Variants in CFAP221 observed in about 807,000 individuals in gnomAD.
The protein encoded by CFAP221 is cilia and flagella associated protein 221.
CFAP221 carries 97 observed loss-of-function variants against 113.1 expected under a neutral mutation model. The observed-to-expected ratio is 0.86, with a 90% confidence interval of 0.73 to 1.02. The LOEUF is 1.02. CFAP221 is among the 50% of genes least tolerant of loss of function. The probability of loss-of-function intolerance (pLI) is 0.00; values close to 1 mark genes in which losing one functional copy is unlikely to be tolerated. For synonymous variants in CFAP221, 331 were observed against 354.4 expected, an observed-to-expected ratio of 0.93 and a Z score of 0.74; for missense variants, 1,025 against 1,013.4, an observed-to-expected ratio of 1.01 and a Z score of -0.16.
intron 22 of CFAP221, among the ~76,000 whole-genome samples, chr2:119,649,947 A>G (rs1688029502): frequency 6.6e-6 from 1 of 152,144 alleles, no homozygotes; most frequent in South Asian, 2.1e-4. Flanking sequence ...ACACATAAAA[A>G]CTTTTGCATT....
At chr2:119,602,892 C>A in intron 8 of CFAP221, 1 of 505,210 alleles carries the variant, frequency 2.0e-6, no homozygotes, top group Non-Finnish European at 2.6e-6. Context: ...TGCACGACAG[C>A]ATTGTATGAC....
At chr2:119,562,740 G>C (rs546761909) in intron 6 of CFAP221, among the ~76,000 whole-genome samples, 1 of 152,284 alleles carries the variant, frequency 6.6e-6, no homozygotes, top group East Asian at 1.9e-4. Context: ...CTAAAAGTCT[G>C]TCCCTAGATG....
chr2:119,558,162 C>T (rs1456305963), intron 3 of CFAP221, among the ~76,000 whole-genome samples: 3 of 152,162 alleles, frequency 2.0e-5, no homozygotes, highest in East Asian at 3.9e-4. Context: ...GACTTCACAG[C>T]CCTCCCCCAA....
At position 119,611,640 on chromosome 2, in the gene CFAP221, A is replaced by G; in HGVS notation, c.1222-13A>G. On this transcript the variant is annotated splice_polypyrimidine_tract_variant and intron_variant, in intron 12 of 23. Coordinates refer to ENST00000413369, the MANE Select transcript of CFAP221 (RefSeq NM_001271049.2). ...ATATTCAACTTAAATTATTTTGATGATTAAAAACCCAGCTAGACAGAGGAG... is the reference window on the plus strand; with the variant it reads ...ATATTCAACTTAAATTATTTTGATGGTTAAAAACCCAGCTAGACAGAGGAG... 1 of 1,595,256 alleles carries G rather than the reference A, an allele frequency of 6.3e-7. No individual in the cohort carries two copies. Among genetic ancestry groups the G allele is most frequent in the Non-Finnish European group, 8.5e-7 (1 of 1,173,302 alleles).
chr2:119,621,067 A>C (rs1037604256), intron 14 of CFAP221, among the ~76,000 whole-genome samples: 1 of 152,058 alleles, frequency 6.6e-6, no homozygotes, highest in Non-Finnish European at 1.5e-5. Flanking sequence ...TCTACTAAAA[A>C]TTCAAAAATT....
At chr2:119,610,305 G>C (rs1248213443) in intron 12 of CFAP221, among the ~76,000 whole-genome samples, 1 of 152,142 alleles carries the variant, frequency 6.6e-6, no homozygotes, top group East Asian at 1.9e-4. Context: ...TTTTATCTGA[G>C]AGCTGAGTCC....
At chr2:119,577,728 T>C (rs895394964) in intron 6 of CFAP221, among the ~76,000 whole-genome samples, 5 of 152,262 alleles carry the variant, frequency 3.3e-5, no homozygotes, top group Non-Finnish European at 7.4e-5. Flanking sequence ...CTGGTACATA[T>C]TAAGAGATAG....
chr2:119,585,982 A>G (rs1044675534), intron 6 of CFAP221, among the ~76,000 whole-genome samples: 1 of 152,216 alleles, frequency 6.6e-6, no homozygotes, highest in Admixed American at 6.5e-5. Flanking sequence ...TGCTCAAACC[A>G]GATTACAACT....
At chr2:119,549,556 A>G (rs1680280668) in intron 3 of CFAP221, among the ~76,000 whole-genome samples, 1 of 152,206 alleles carries the variant, frequency 6.6e-6, no homozygotes, top group Non-Finnish European at 1.5e-5. Context: ...CAAAAGATTA[A>G]ATAATTTATT....
intron 11 of CFAP221, among the ~76,000 whole-genome samples, 195 bp downstream of exon 11, chr2:119,605,484 T>G (rs1018456897): frequency 6.6e-6 from 1 of 152,254 alleles, no homozygotes; most frequent in African/African-American, 2.4e-5. Flanking sequence ...CCACACTGTT[T>G]GCTAAGTGTG....
At chr2:119,591,907 AAAAG>A (rs1683624749) in intron 7 of CFAP221, among the ~76,000 whole-genome samples, 1 of 152,214 alleles carries the variant, frequency 6.6e-6, no homozygotes, top group South Asian at 2.1e-4. Context: ...CAATGGGAAA[AAAAG>A]AGCCACTCCA....
At chr2:119,606,141 G>A (rs1043003085) in intron 11 of CFAP221, among the ~76,000 whole-genome samples, 2 of 151,678 alleles carry the variant, frequency 1.3e-5, no homozygotes, top group South Asian at 2.1e-4. Flanking sequence ...GTAGCTGGGA[G>A]CACAGGTGCG....
At chr2:119,590,698 A>AGGT (rs1333821263) in intron 7 of CFAP221, among the ~76,000 whole-genome samples, 5 of 152,218 alleles carry the variant, frequency 3.3e-5, no homozygotes, top group Non-Finnish European at 7.4e-5. Flanking sequence ...CCCCTGGCTG[A>AGGT]GGTAGTTTAT....
At chr2:119,550,270 T>C (rs1680327421) in intron 3 of CFAP221, among the ~76,000 whole-genome samples, 1 of 152,200 alleles carries the variant, frequency 6.6e-6, no homozygotes, top group Admixed American at 6.5e-5. Flanking sequence ...TTCTATCACG[T>C]TCGATTGTTT....
chr2:119,564,261 T>C (rs1445482236), intron 6 of CFAP221, among the ~76,000 whole-genome samples: 2 of 152,192 alleles, frequency 1.3e-5, no homozygotes, highest in Non-Finnish European at 2.9e-5. Context: ...AAAGTTTAGA[T>C]CTGGAACAAT....
At chr2:119,644,998 C>CCT in intron 21 of CFAP221, among the ~76,000 whole-genome samples, 2 of 126,096 alleles carry the variant, frequency 1.6e-5, no homozygotes, top group Non-Finnish European at 1.7e-5. Context: ...CAGGTCCCCC[C>CCT]CCCCACCCCC....
At chr2:119,591,536 C>T (rs1014777433) in intron 7 of CFAP221, among the ~76,000 whole-genome samples, 2 of 152,248 alleles carry the variant, frequency 1.3e-5, no homozygotes, top group Admixed American at 1.3e-4. Context: ...CTAAGCACAT[C>T]ACATGCACCA....
At chr2:119,578,981 C>G (rs967823011) in intron 6 of CFAP221, among the ~76,000 whole-genome samples, 1 of 152,026 alleles carries the variant, frequency 6.6e-6, no homozygotes, top group African/African-American at 2.4e-5. Flanking sequence ...TTCTGTAAGG[C>G]AAATTTTGCT....
chr2:119,560,897 G>T (rs933981980), intron 5 of CFAP221, among the ~76,000 whole-genome samples: 5 of 152,100 alleles, frequency 3.3e-5, no homozygotes, highest in African/African-American at 1.2e-4. Context: ...GGGAGGGAAA[G>T]AATCTTAGAC....
Sources: gnomAD v4.1 joint callset for allele counts (sites outside exome capture counted in the v4.1 genomes callset) on GRCh38, gnomAD v4.1.1 for gene constraint, MANE v1.5 for transcripts, NCBI Gene and HGNC (gene_info 2026-07-23, HGNC 2026-07-21) for gene names.